The following DOP1B variants were observed in gnomAD, a reference collection of about 807,000 sequenced individuals.
DOP1B encodes the protein DOP1 leucine zipper like protein B.
A neutral mutation model predicts 233.5 loss-of-function variants in DOP1B; 174 were observed. The ratio of observed to expected loss-of-function variants is 0.75; its 90% CI spans 0.66 to 0.85. The LOEUF is 0.85. Ranked by LOEUF, DOP1B falls within the 40% of genes least tolerant of loss-of-function variation. The pLI is 0.00. For missense variants in DOP1B, 2,652 were observed against 2,846.6 expected, an observed-to-expected ratio of 0.93 and a Z score of 1.56; for synonymous variants, 1,190 against 1,185.6, an observed-to-expected ratio of 1.00 and a Z score of -0.08.
At chr21:36,203,812 T>C (rs571794115) in intron 4 of DOP1B, among the ~76,000 whole-genome samples, 7 of 152,162 alleles carry the variant, frequency 4.6e-5, no homozygotes, top group South Asian at 2.1e-4. Context: ...TTAGAACTTA[T>C]TATCCACCCT....
At position 36,251,221 on chromosome 21, in the gene DOP1B, G is replaced by T. The variant is rs1455550699; in HGVS notation, c.5058G>T (p.Gln1686His). 3.1e-6 allele frequency: 5 copies of T among 1,613,912 alleles called. No homozygotes were observed. The African/African-American group carries it at 5.3e-5, about 17-fold the overall frequency. Residue 1686 changes from glutamine (Q) to histidine (H), a missense_variant, in exon 22 of 37, where the codon CAG becomes CAT. Gln to His is a conservative substitution (Grantham distance 24, BLOSUM62 0). Transcript: ENST00000691173. ...LNPLTAHLGVQLTAAVAAVWS... is the reference protein window; with the variant it reads ...LNPLTAHLGVHLTAAVAAVWS... Reference sequence around the variant, plus strand: ...CCTTGACGGCCCATCTTGGGGTTCAGTTGACAGCGGCTGTTGCGGCAGTGT... The same window carrying T: ...CCTTGACGGCCCATCTTGGGGTTCATTTGACAGCGGCTGTTGCGGCAGTGT...
intron 14 of DOP1B, among the ~76,000 whole-genome samples, chr21:36,231,562 C>G (rs1026507308): frequency 6.6e-6 from 1 of 152,166 alleles, no homozygotes; most frequent in East Asian, 1.9e-4. Context: ...TGTTTTTAAA[C>G]CCTGGGTGTC....
rs578010373 is a variant in DOP1B, at chr21:36,259,351, A to T, written c.5260-1326A>T. On this transcript the variant is annotated intron_variant, in intron 23 of 36. Transcript: ENST00000691173. ...AGTGGCGTGATCTTGGTTCACTGCA[A>T]CCTCTGCCTCCTGGGTTCAAGCAAT... Among the ~76,000 whole-genome samples the T allele has an allele frequency of 2.0e-5, 3 of 150,094 alleles. No homozygotes were observed. In the East Asian group the frequency reaches 5.9e-4, roughly 29 times the overall value.
chr21:36,285,080 A>G (rs1158999774), intron 32 of DOP1B, among the ~76,000 whole-genome samples: 1 of 151,816 alleles, frequency 6.6e-6, no homozygotes, highest in Non-Finnish European at 1.5e-5. Flanking sequence ...TTGGGAGGGG[A>G]ACGGAGTCTC....
intron 5 of DOP1B, among the ~76,000 whole-genome samples, chr21:36,210,410 C>CT (rs2066481876): frequency 6.6e-6 from 1 of 151,976 alleles, no homozygotes; most frequent in Non-Finnish European, 1.5e-5. Flanking sequence ...TTTGGGAGGC[C>CT]GAGGCGGGTG....
rs115696267 is a variant in DOP1B, at chr21:36,195,157, G to A, written c.139-3913G>A. Among the ~76,000 whole-genome samples the A allele has an allele frequency of 8.1e-3, 1,229 of 152,122 alleles. 22 individuals carry two copies. The highest frequency in any genetic ancestry group is 0.028 in the African/African-American group (1,158 of 41,518). ...GGAGTTCAAGACCATCCTGGCCAAT[G>A]TGGCTCAACTTGTCTCTACTAAAAA... On this transcript the variant is annotated intron_variant, in intron 2 of 36. Transcript: ENST00000691173.
In DOP1B at chr21:36,245,893, G is replaced by A. The variant is rs569145049; in HGVS notation, c.3913G>A (p.Val1305Met). The change falls in exon 19 of 37, where the codon GTG becomes ATG. Residue 1305 changes from valine to methionine, a missense_variant. By Grantham distance (21) the Val-to-Met change is conservative. Coordinates refer to ENST00000691173, the MANE Select transcript of DOP1B (RefSeq NM_001320714.2). This position sits in a 1 kb window ranked among gnomAD's most constrained non-coding sequence, Gnocchi z 5.5. Reference protein sequence around the residue: ...YGKLQTQVPNVCPHSLLLELL... With the variant: ...YGKLQTQVPNMCPHSLLLELL... ...AAAGCTCCAGACCCAGGTCCCCAAC[G>A]TGTGCCCCCACTCTCTGCTCCTGGA... 3.2e-5 allele frequency: 52 copies of A among 1,613,698 alleles called. No homozygotes were observed. The highest frequency in any genetic ancestry group is 5.0e-5 in the Admixed American group (3 of 60,012).
chr21:36,213,148 A>G (rs748806980), intron 7 of DOP1B, among the ~76,000 whole-genome samples: 4 of 152,200 alleles, frequency 2.6e-5, no homozygotes, highest in Non-Finnish European at 4.4e-5. Flanking sequence ...TGTTCTCCCT[A>G]GTTATAAAAC....
chr21:36,237,229 G>A (rs747206015), intron 15 of DOP1B, 33 bp from the exon 16 acceptor site: 29 of 1,613,874 alleles, frequency 1.8e-5, no homozygotes, highest in Non-Finnish European at 2.2e-5. Context: ...GTGTTGACCT[G>A]GTCCCCCACC....
chr21:36,213,716 T>C (rs2066526526), intron 7 of DOP1B, among the ~76,000 whole-genome samples: 1 of 151,748 alleles, frequency 6.6e-6, no homozygotes, highest in Admixed American at 6.6e-5. Context: ...TTTTTTGTAT[T>C]TTTAGTAGAG....
intron 13 of DOP1B, among the ~76,000 whole-genome samples, chr21:36,229,947 G>A (rs1045137950): frequency 6.6e-6 from 1 of 152,118 alleles, no homozygotes; most frequent in Non-Finnish European, 1.5e-5. Context: ...ACAGGCATGA[G>A]CCACCACACC....
At chr21:36,263,890 C>T in intron 26 of DOP1B, 76 bp downstream of exon 26, 1 of 1,376,602 alleles carries the variant, frequency 7.3e-7, no homozygotes, top group Non-Finnish European at 1.0e-6. Context: ...TATCAGATAG[C>T]AGGTAGACAA....
chr21:36,158,828 AAAG>A (rs2065844296), intron 1 of DOP1B, among the ~76,000 whole-genome samples: 1 of 151,372 alleles, frequency 6.6e-6, no homozygotes, highest in Non-Finnish European at 1.5e-5. Flanking sequence ...AGAAAAGAAA[AAAG>A]AAATGCATGC....
intron 34 of DOP1B, 111 bp downstream of exon 34, chr21:36,288,922 G>C: frequency 6.9e-7 from 1 of 1,458,292 alleles, no homozygotes. Flanking sequence ...AAGTACTTGT[G>C]AAAGGACCAG....
chr21:36,212,737 G>A (rs930846517), intron 7 of DOP1B, among the ~76,000 whole-genome samples: 2 of 152,162 alleles, frequency 1.3e-5, no homozygotes, highest in Admixed American at 6.5e-5. Flanking sequence ...TATACAAAAC[G>A]ATTGTGACAG....
At chr21:36,208,975 T>C (rs1022759471) in intron 5 of DOP1B, 71 bp downstream of exon 5, 1 of 1,406,408 alleles carries the variant, frequency 7.1e-7, no homozygotes, top group African/African-American at 1.5e-5. Flanking sequence ...ATGGGCAGGT[T>C]GTCACTGAAG....
intron 2 of DOP1B, among the ~76,000 whole-genome samples, chr21:36,197,595 C>T (rs1486122377): frequency 6.6e-6 from 1 of 152,172 alleles, no homozygotes. Context: ...GTTCTGCCTC[C>T]CTGAGATGGG....
At chr21:36,227,501 C>A (rs368792869) in intron 12 of DOP1B, among the ~76,000 whole-genome samples, 185 bp from the exon 13 acceptor site, 4 of 151,398 alleles carry the variant, frequency 2.6e-5, no homozygotes, top group Non-Finnish European at 5.9e-5. Flanking sequence ...GAGCCGAGAT[C>A]GCGACACTGC....
At chr21:36,184,830 A>G (rs2066145218) in intron 2 of DOP1B, among the ~76,000 whole-genome samples, 1 of 152,142 alleles carries the variant, frequency 6.6e-6, no homozygotes, top group Non-Finnish European at 1.5e-5. Context: ...CTGAACAGCC[A>G]CTCTGCGCCC....
Sources: allele counts gnomAD v4.1 joint callset (sites outside exome capture counted in the v4.1 genomes callset), GRCh38; gene constraint gnomAD v4.1.1; non-coding constraint Gnocchi (gnomAD v3.1); transcripts MANE v1.5; gene names NCBI Gene and HGNC (gene_info 2026-07-23, HGNC 2026-07-21).